Variants in AGBL3 observed in about 807,000 individuals in gnomAD.
The protein encoded by AGBL3 is AGBL carboxypeptidase 3, also known as cytosolic carboxypeptidase 3.
In AGBL3, 68 loss-of-function variants were observed where a neutral mutation model predicts 94.5. That is an observed-to-expected ratio of 0.72 (90% confidence interval 0.59 to 0.88). AGBL3 has a LOEUF of 0.88. Ranked by LOEUF, AGBL3 falls within the 40% of genes least tolerant of loss-of-function variation. The pLI, the probability that AGBL3 is intolerant of heterozygous loss-of-function variation, is 0.00. For missense variants in AGBL3, 934 were observed against 1,103.8 expected (o/e 0.85, Z 2.18); for synonymous variants, 354 against 370.7 (o/e 0.95, Z 0.52).
chr7:134,998,654 A>G (rs1811314619), intron 4 of AGBL3, among the ~76,000 whole-genome samples: 1 of 152,142 alleles, frequency 6.6e-6, no homozygotes, highest in Non-Finnish European at 1.5e-5. Flanking sequence ...GGCTATCTTG[A>G]CCACCAGGAA....
At chr7:135,060,738 T>G (rs934560839) in intron 12 of AGBL3, among the ~76,000 whole-genome samples, 1 of 152,206 alleles carries the variant, frequency 6.6e-6, no homozygotes, top group African/African-American at 2.4e-5. Flanking sequence ...TTCCTTCTTT[T>G]TAAAGGCTGA....
intron 4 of AGBL3, among the ~76,000 whole-genome samples, chr7:135,007,352 A>T (rs1812519314): frequency 6.6e-6 from 1 of 151,972 alleles, no homozygotes; most frequent in East Asian, 1.9e-4. Context: ...AACAAGTGGA[A>T]TCTATCCAGA....
intron 13 of AGBL3, among the ~76,000 whole-genome samples, chr7:135,079,687 C>G (rs1050056518): frequency 6.7e-6 from 1 of 149,772 alleles, no homozygotes; most frequent in Non-Finnish European, 1.5e-5. Flanking sequence ...AGGCTTGTCT[C>G]GAACTCCTGA....
chr7:135,010,030 T>C (rs1481562091), intron 4 of AGBL3: 1 of 444,430 alleles, frequency 2.3e-6, no homozygotes, highest in Admixed American at 2.5e-5. Flanking sequence ...CACTTTTTTT[T>C]TTTTTTTTAA....
chr7:135,060,819 T>G (rs997705348), intron 12 of AGBL3, among the ~76,000 whole-genome samples: 2 of 152,224 alleles, frequency 1.3e-5, no homozygotes, highest in African/African-American at 4.8e-5. Flanking sequence ...TTAAGTTGAT[T>G]CCATACACTG....
In AGBL3 at chr7:135,080,253, T is replaced by A; in HGVS notation, c.2031T>A (p.Asp677Glu). The change falls in exon 14 of 17, where the codon GAT (aspartate) becomes GAA (glutamate). Residue 677 changes from aspartate (D) to glutamate (E), a missense_variant. Asp to Glu is a conservative substitution (Grantham distance 45). This residue lies in a region of AGBL3 where 441 missense variants were observed against 518.2 expected (regional missense o/e 0.85). Coordinates refer to ENST00000436302, the MANE Select transcript of AGBL3 (RefSeq NM_178563.4). Reference sequence around the variant, plus strand: ...AAAGACACACACAATCAAATTCTGATGTGAAAGGTAATATTCTGCTTCTAC... The same window carrying A: ...AAAGACACACACAATCAAATTCTGAAGTGAAAGGTAATATTCTGCTTCTAC... Reference protein sequence around the residue: ...LLQRHTQSNSDVKDTRPNEPD... With the variant: ...LLQRHTQSNSEVKDTRPNEPD... The A allele has an allele frequency of 1.3e-6, 2 of 1,549,056 alleles. No homozygotes were observed. The highest frequency in any genetic ancestry group is 1.7e-6 in the Non-Finnish European group (2 of 1,144,912).
At chr7:135,128,590 C>T (rs1365742704) in intron 16 of AGBL3, 9 of 770,594 alleles carry the variant, frequency 1.2e-5, no homozygotes, top group Non-Finnish European at 1.9e-5. Context: ...TGTTTGTGAG[C>T]GCTATCTGCT....
In AGBL3 at chr7:134,993,695, T is replaced by C; in HGVS notation, c.310+17T>C. 8 of 1,509,306 alleles carry C rather than the reference T, an allele frequency of 5.3e-6. No homozygotes were observed. Among genetic ancestry groups the C allele is most frequent in the Non-Finnish European group, 7.1e-6 (8 of 1,123,932 alleles). 93.5% of individuals were successfully genotyped at this position (1,509,306 alleles called of 1,614,324 possible). On this transcript the variant is annotated intron_variant, in intron 4 of 16. Coordinates refer to ENST00000436302, the MANE Select transcript of AGBL3 (RefSeq NM_178563.4). ...AGCATATTGGTATGTTTTTAGCAGT[T>C]TGGGGGATTCAGACATTAGCAAACT...
intron 3 of AGBL3, among the ~76,000 whole-genome samples, chr7:134,991,210 G>GGGT (rs1810222455): frequency 4.3e-5 from 4 of 92,898 alleles, no homozygotes; most frequent in African/African-American, 1.5e-4. Flanking sequence ...GTGGGGGGGG[G>GGGT]GTTGGTTAAA....
In AGBL3 at chr7:135,100,290, A is replaced by G. The variant is rs1001440916; in HGVS notation, c.2111-15090A>G. ...TACTATCCATTGCAGCAACTGGAGC[A>G]CTGGTCATGGGGGGATAAAACTAAT... On this transcript the variant is annotated intron_variant, in intron 15 of 16. Transcript: ENST00000436302. Among the ~76,000 whole-genome samples the G allele has an allele frequency of 3.9e-5, 6 of 152,276 alleles. No homozygotes were observed. The East Asian group carries it at 5.8e-4, about 15-fold the overall frequency.
chr7:135,055,668 A>G (rs1818282035), intron 11 of AGBL3, among the ~76,000 whole-genome samples: 1 of 152,010 alleles, frequency 6.6e-6, no homozygotes, highest in Non-Finnish European at 1.5e-5. Flanking sequence ...ATTTGCTAAT[A>G]TTTTCTTAAA....
chr7:135,061,812 G>A (rs1337127714), intron 12 of AGBL3, among the ~76,000 whole-genome samples: 1 of 152,042 alleles, frequency 6.6e-6, no homozygotes, highest in Non-Finnish European at 1.5e-5. Context: ...AAGTCAGACA[G>A]TGTGAGCTTC....
At chr7:135,052,841 C>G (rs73153747) in intron 11 of AGBL3, among the ~76,000 whole-genome samples, 73,698 of 151,876 alleles carry the variant, frequency 0.49, 18,246 homozygotes, top group South Asian at 0.66. Flanking sequence ...TTAAGAAATT[C>G]AGGAATTTAT....
intron 4 of AGBL3, among the ~76,000 whole-genome samples, chr7:135,008,400 C>T (rs1380390149): frequency 2.0e-5 from 3 of 152,174 alleles, no homozygotes; most frequent in Non-Finnish European, 4.4e-5. Context: ...GTCTTTTCAA[C>T]AAATGGCACC....
intron 5 of AGBL3, among the ~76,000 whole-genome samples, chr7:135,020,169 A>C (rs191533979): frequency 8.5e-5 from 13 of 152,250 alleles, no homozygotes; most frequent in Non-Finnish European, 1.3e-4. Flanking sequence ...CTCATCGGAC[A>C]AACAGCTAAT....
intron 5 of AGBL3, among the ~76,000 whole-genome samples, chr7:135,030,864 G>A (rs1216602295): frequency 6.6e-6 from 1 of 151,866 alleles, no homozygotes; most frequent in African/African-American, 2.4e-5. Context: ...ATTATAAATT[G>A]GCAAATTATA....
chr7:134,992,904 TATC>T (rs1374650575), intron 3 of AGBL3, among the ~76,000 whole-genome samples: 3 of 152,188 alleles, frequency 2.0e-5, no homozygotes, highest in Non-Finnish European at 4.4e-5. Flanking sequence ...CCAGGAAATG[TATC>T]ATAAGAGAAG....
At chr7:135,117,510 A>G (rs945628320) in intron 16 of AGBL3, among the ~76,000 whole-genome samples, 1 of 152,198 alleles carries the variant, frequency 6.6e-6, no homozygotes, top group African/African-American at 2.4e-5. Context: ...TGATCTTCTC[A>G]TTCTTTGCTT....
At chr7:135,019,569 A>C (rs10278199) in intron 5 of AGBL3, among the ~76,000 whole-genome samples, 145,495 of 152,232 alleles carry the variant, frequency 0.96, 69,839 homozygotes, top group East Asian at 1. Context: ...AAAATTGATT[A>C]ATCACCAGCT....
Sources: allele counts gnomAD v4.1 joint callset (sites outside exome capture counted in the v4.1 genomes callset), GRCh38; gene constraint gnomAD v4.1.1; regional missense constraint gnomAD v4.1.1; transcripts MANE v1.5; gene names NCBI Gene and HGNC (gene_info 2026-07-23, HGNC 2026-07-21).